Variants in PDE4D observed in about 807,000 individuals in gnomAD.
PDE4D encodes phosphodiesterase 4D.
Under a neutral mutation model 87.4 loss-of-function variants are expected in PDE4D, and 24 were observed. The observed-to-expected ratio is 0.27, with a 90% confidence interval of 0.20 to 0.39. The LOEUF is 0.39. Ranked by LOEUF, PDE4D falls within the 10% of genes least tolerant of loss-of-function variation. The probability of loss-of-function intolerance (pLI) is 1.00; values close to 1 mark genes in which losing one functional copy is unlikely to be tolerated. For synonymous variants in PDE4D, 384 were observed against 383.2 expected, an observed-to-expected ratio of 1.00 and a Z score of -0.02; for missense variants, 714 against 1,041.0, an observed-to-expected ratio of 0.69 and a Z score of 4.32.
At chr5:59,079,674 A>G (rs1004060367) in intron 5 of PDE4D, among the ~76,000 whole-genome samples, 1 of 150,232 alleles carries the variant, frequency 6.7e-6, no homozygotes, top group African/African-American at 2.4e-5. Flanking sequence ...AATTAATAAT[A>G]ATAATAATAA....
At position 60,460,529 on chromosome 5, in the gene PDE4D, G is replaced by A. The variant is rs1561281469; in HGVS notation, c.-90+27413C>T. On this transcript the variant is annotated intron_variant, in intron 1 of 16. Transcript: ENST00000502484. ...GGTTGGCAGAGTTTGTCATATTTCT[G>A]TTCTACTTTCAAAATCTCCTCACTG... is the stretch of plus-strand genomic sequence containing the variant. 5 of 1,460,498 alleles carry A rather than the reference G, an allele frequency of 3.4e-6. No individual in the cohort carries two copies. In the East Asian group the frequency reaches 1.1e-4, roughly 33 times the overall value. 90.5% of individuals were successfully genotyped at this position (1,460,498 alleles called of 1,614,324 possible). A position where few individuals can be genotyped will look rare whatever the true frequency, so the allele number is the denominator to read the frequency against.
chr5:59,314,196 C>T (rs1007907829), intron 1 of PDE4D: 9 of 152,104 alleles, frequency 5.9e-5, no homozygotes, highest in African/African-American at 2.2e-4. Context: ...ATAAACTGCC[C>T]TGTGAGGGAA....
intron 2 of PDE4D, among the ~76,000 whole-genome samples, chr5:60,053,417 C>T (rs749382076): frequency 2.0e-5 from 3 of 152,078 alleles, no homozygotes; most frequent in Non-Finnish European, 4.4e-5. Flanking sequence ...CTTTGACAAA[C>T]CTGACAAAAA....
intron 2 of PDE4D, among the ~76,000 whole-genome samples, chr5:60,099,826 C>T (rs1440049843): frequency 6.6e-6 from 1 of 151,896 alleles, no homozygotes; most frequent in Non-Finnish European, 1.5e-5. Context: ...CTGGAAATTT[C>T]TACAAATCCA....
chr5:59,588,502 T>C (rs115990482), intron 1 of PDE4D, among the ~76,000 whole-genome samples: 156 of 152,308 alleles, frequency 1.0e-3, no homozygotes, highest in African/African-American at 3.4e-3. Flanking sequence ...CCGGCAACAT[T>C]TAATATAACA....
At position 58,976,534 on chromosome 5, in the gene PDE4D, C is replaced by T. The variant is rs3763083; in HGVS notation, c.1708-62G>A. The T allele has an allele frequency of 0.16, 203,971 of 1,269,024 alleles. 17,278 individuals carry two copies. Among genetic ancestry groups the T allele is most frequent in the East Asian group, 0.2 (7,789 of 39,440 alleles). The allele number at this position is 1,269,024 out of a possible 1,614,324, so 78.6% of individuals were successfully genotyped here. On this transcript the variant is annotated intron_variant, in intron 12 of 14. Transcript: ENST00000340635. ...ACAGAATTTACACATGAAAATATTA[C>T]GCAGAATATAAGAATGAAAAAGGAA...
At position 58,973,658 on chromosome 5, in the gene PDE4D, T is replaced by TAAGA. The variant is rs1743025721; in HGVS notation, c.*1002_*1005dup. ...CTGATGACTGAGTTTGCATGAAGCT[T>TAAGA]AAGACACATTTGATATAACACACAT... On this transcript the variant is annotated 3_prime_UTR_variant, in exon 15 of 15. Coordinates refer to ENST00000340635, the MANE Select transcript of PDE4D (RefSeq NM_001104631.2). 6.6e-6 allele frequency: 1 copy of TAAGA among 152,640 alleles called. No individual in the cohort carries two copies. The highest frequency in any genetic ancestry group is 2.4e-5 in the African/African-American group (1 of 41,462). The allele number at this position is 152,640 out of a possible 1,614,324, so 9.5% of individuals were successfully genotyped here.
At chr5:59,128,184 C>T (rs1775768163) in intron 5 of PDE4D, among the ~76,000 whole-genome samples, 1 of 152,046 alleles carries the variant, frequency 6.6e-6, no homozygotes, top group Non-Finnish European at 1.5e-5. Flanking sequence ...GTAAGTGCTC[C>T]TAGCTCACTC....
intron 1 of PDE4D, among the ~76,000 whole-genome samples, chr5:59,503,622 A>G (rs1487476836): frequency 6.6e-6 from 1 of 152,182 alleles, no homozygotes; most frequent in African/African-American, 2.4e-5. Flanking sequence ...TAAAAACATC[A>G]AAGTATATGC....
At chr5:59,794,862 A>G (rs13168347) in intron 1 of PDE4D, among the ~76,000 whole-genome samples, 72,637 of 151,938 alleles carry the variant, frequency 0.48, 18,223 homozygotes, top group African/African-American at 0.6. Flanking sequence ...AAGAGCTTGT[A>G]GATAGGCCCA....
chr5:59,754,797 A>AT (rs754869518), intron 1 of PDE4D, among the ~76,000 whole-genome samples: 4,346 of 96,758 alleles, frequency 0.045, 1,035 homozygotes, highest in East Asian at 0.15. Context: ...TCCACAGAAC[A>AT]TTTTTTTTTT....
intron 1 of PDE4D, among the ~76,000 whole-genome samples, chr5:59,745,962 T>C (rs1258429776): frequency 6.6e-6 from 1 of 152,202 alleles, no homozygotes; most frequent in African/African-American, 2.4e-5. Flanking sequence ...AATATTCCTG[T>C]ATAAATGTTA....
chr5:60,481,651 C>G (rs551446691), intron 1 of PDE4D, among the ~76,000 whole-genome samples: 2 of 152,138 alleles, frequency 1.3e-5, no homozygotes, highest in Non-Finnish European at 2.9e-5. Context: ...GACAATTGTT[C>G]ATTTTCTCCC....
intron 1 of PDE4D, among the ~76,000 whole-genome samples, chr5:59,434,215 T>C (rs1398626362): frequency 3.5e-5 from 1 of 28,796 alleles, no homozygotes; most frequent in African/African-American, 1.5e-4. Context: ...CTTTAGGATG[T>C]TCCTAAAGAA....
chr5:59,580,416 A>G (rs904918141), intron 1 of PDE4D, among the ~76,000 whole-genome samples: 3 of 151,734 alleles, frequency 2.0e-5, no homozygotes, highest in African/African-American at 7.3e-5. Context: ...CATGAAGTAT[A>G]TGATAGTTAT....
At chr5:59,879,122 G>A (rs570492455) in intron 1 of PDE4D, among the ~76,000 whole-genome samples, 38 of 151,370 alleles carry the variant, frequency 2.5e-4, no homozygotes, top group East Asian at 7.8e-4. Context: ...GGATGGTCTC[G>A]ATCTCCTGAC....
intron 5 of PDE4D, chr5:59,039,578 C>T (rs1759261651): frequency 4.3e-6 from 4 of 923,332 alleles, no homozygotes; most frequent in Non-Finnish European, 5.2e-6. Flanking sequence ...CCGCAGCTTT[C>T]CGGGAACACT....
intron 6 of PDE4D, among the ~76,000 whole-genome samples, chr5:59,014,663 A>AG (rs1259408213): frequency 6.6e-6 from 1 of 152,210 alleles, no homozygotes; most frequent in Non-Finnish European, 1.5e-5. Flanking sequence ...GCTTATAGAT[A>AG]GGAAGAATCA....
intron 1 of PDE4D, among the ~76,000 whole-genome samples, chr5:60,468,153 T>C (rs1193016662): frequency 6.6e-6 from 1 of 151,450 alleles, no homozygotes; most frequent in Non-Finnish European, 1.5e-5. Context: ...TTTTTGTTTT[T>C]TTTGAGACAA....
Sources: allele counts gnomAD v4.1 joint callset (sites outside exome capture counted in the v4.1 genomes callset), GRCh38; gene constraint gnomAD v4.1.1; transcripts MANE v1.5; gene names NCBI Gene and HGNC (gene_info 2026-07-23, HGNC 2026-07-21).